RGMA: variants seen among roughly 807,000 people sequenced by gnomAD.
The protein encoded by RGMA is repulsive guidance molecule A.
In RGMA, 10 loss-of-function variants were observed where a neutral mutation model predicts 23.2. That is an observed-to-expected ratio of 0.43 (90% CI 0.27 to 0.73). The LOEUF is 0.73. Among genes scored for constraint, RGMA ranks in the 30% least tolerant of loss-of-function variants. The probability of loss-of-function intolerance (pLI) is 0.20; values close to 1 mark genes in which losing one functional copy is unlikely to be tolerated. For synonymous variants in RGMA, 308 were observed against 279.3 expected (o/e 1.10, Z -1.03); for missense variants, 547 against 630.5 (o/e 0.87, Z 1.42).
At chr15:93,081,987 G>A (rs551250867) in intron 1 of RGMA, among the ~76,000 whole-genome samples, 2 of 152,222 alleles carry the variant, frequency 1.3e-5, no homozygotes, top group African/African-American at 2.4e-5. Flanking sequence ...CTAAGAACAT[G>A]CAGTCCGAAC....
At chr15:93,065,741 C>T (rs951775376) in intron 2 of RGMA, 21 of 1,192,850 alleles carry the variant, frequency 1.8e-5, no homozygotes, top group Non-Finnish European at 2.3e-5. Flanking sequence ...TCAGCGGGAC[C>T]GTGGCTGGGC....
rs1456389793 is a variant in RGMA, at chr15:93,045,132, T to G, written c.1219A>C (p.Asn407His). 3 of 1,598,626 alleles carry G rather than the reference T, an allele frequency of 1.9e-6. No homozygotes were observed. In the East Asian group the frequency reaches 6.8e-5, roughly 36 times the overall value. ...TCATACAGGTGCAGTTTGTCTTTGT[T>G]GGAGTGGAGCATCTTGACATCCTCC... ...ALEDVKMLHS[N>H]KDKLHLYERT... The change falls in exon 4 of 4, where the codon AAC (asparagine) becomes CAC (histidine). Residue 407 changes from asparagine to histidine, a missense_variant. By Grantham distance (68) the Asn-to-His change is moderately conservative (BLOSUM62 1). Transcript: ENST00000329082. The surrounding 1 kb of genome is among the most constrained non-coding windows in gnomAD (Gnocchi z 6.9).
intron 2 of RGMA, 108 bp downstream of exon 2, chr15:93,072,808 G>A (rs1895373465): frequency 7.3e-6 from 9 of 1,227,032 alleles, no homozygotes; most frequent in South Asian, 1.5e-5. Context: ...GGCGGGGTCC[G>A]GAGGAGGTCC....
intron 2 of RGMA, among the ~76,000 whole-genome samples, chr15:93,060,381 G>A (rs964986949): frequency 2.6e-5 from 4 of 152,236 alleles, no homozygotes; most frequent in African/African-American, 9.6e-5. Context: ...GGGGCAAAAA[G>A]GAGAATCCAG....
At chr15:93,066,924 G>A (rs1229067525) in intron 2 of RGMA, among the ~76,000 whole-genome samples, 2 of 152,206 alleles carry the variant, frequency 1.3e-5, no homozygotes, top group South Asian at 2.1e-4. Flanking sequence ...GTGCAATGTC[G>A]GGAAAACCTC....
At chr15:93,063,625 G>C (rs537581076) in intron 2 of RGMA, among the ~76,000 whole-genome samples, 1 of 152,318 alleles carries the variant, frequency 6.6e-6, no homozygotes, top group African/African-American at 2.4e-5. Context: ...AGGTGCAGCA[G>C]ACCCTACCTT....
intron 2 of RGMA, among the ~76,000 whole-genome samples, chr15:93,071,328 G>A (rs1895315076): frequency 6.6e-6 from 1 of 152,216 alleles, no homozygotes; most frequent in African/African-American, 2.4e-5. Context: ...TGTTCAACCA[G>A]ACTCTTAAGT....
At chr15:93,051,471 C>G (rs2054917648) in intron 3 of RGMA, among the ~76,000 whole-genome samples, 1 of 152,210 alleles carries the variant, frequency 6.6e-6, no homozygotes, top group African/African-American at 2.4e-5. Flanking sequence ...TTCAGGACAT[C>G]CTCCCCAAAA....
intron 2 of RGMA, among the ~76,000 whole-genome samples, chr15:93,059,846 T>C (rs903881536): frequency 2.0e-5 from 3 of 152,194 alleles, no homozygotes; most frequent in Admixed American, 2.0e-4. Context: ...TGTATCTTTA[T>C]AAAAAGACCC....
chr15:93,071,253 ACTT>A (rs1421941477), intron 2 of RGMA, among the ~76,000 whole-genome samples: 53 of 152,336 alleles, frequency 3.5e-4, no homozygotes, highest in African/African-American at 1.2e-3. Flanking sequence ...CAAAACGTTG[ACTT>A]CTTCTTAAAT....
At chr15:93,047,071 T>TCA (rs753366488) in intron 3 of RGMA, among the ~76,000 whole-genome samples, 1 of 152,126 alleles carries the variant, frequency 6.6e-6, no homozygotes, top group Non-Finnish European at 1.5e-5. Flanking sequence ...TTGCCTAAGG[T>TCA]CACACAGCCA....
intron 2 of RGMA, among the ~76,000 whole-genome samples, chr15:93,055,208 C>G (rs2054994302): frequency 6.6e-6 from 1 of 152,150 alleles, no homozygotes; most frequent in Non-Finnish European, 1.5e-5. Flanking sequence ...CGCTCAAGCT[C>G]CGGTTCACCT....
chr15:93,072,489 C>T (rs1405125327), intron 2 of RGMA, among the ~76,000 whole-genome samples: 2 of 152,092 alleles, frequency 1.3e-5, no homozygotes, highest in African/African-American at 4.8e-5. Flanking sequence ...ACCTCAGGGG[C>T]GACCCTGGCT....
Position 93,066,169 on chromosome 15 carries a change from G to A in RGMA, c.130+6747C>T, listed in dbSNP as rs114371784. On this transcript the variant is annotated intron_variant, in intron 2 of 3. Transcript: ENST00000329082. ...GGGCCCAGTTACATTAGCGGCTTCTGCACCCTTCTCTCCTTCCACGACATC... is the reference window on the plus strand; with the variant it reads ...GGGCCCAGTTACATTAGCGGCTTCTACACCCTTCTCTCCTTCCACGACATC... 4.7e-3 allele frequency: 6,567 copies of A among 1,388,232 alleles called. 259 individuals carry two copies. The African/African-American group carries it at 0.08, about 17-fold the overall frequency. The allele number at this position is 1,388,232 out of a possible 1,614,324, so 86.0% of individuals were successfully genotyped here.
chr15:93,048,260 C>G (rs2054859661), intron 3 of RGMA, among the ~76,000 whole-genome samples: 1 of 152,062 alleles, frequency 6.6e-6, no homozygotes, highest in East Asian at 1.9e-4. Flanking sequence ...GTGTGGAACC[C>G]CCGGAAGAAC....
intron 1 of RGMA, chr15:93,073,636 C>A: frequency 1.3e-6 from 2 of 1,537,172 alleles, no homozygotes; most frequent in Middle Eastern, 1.7e-4. Context: ...AGACGCGACA[C>A]CGGTGCAGGA....
intron 1 of RGMA, among the ~76,000 whole-genome samples, chr15:93,079,555 C>T (rs2141846763): frequency 6.6e-6 from 1 of 152,322 alleles, no homozygotes; most frequent in South Asian, 2.1e-4. Flanking sequence ...TGCAGTGGCT[C>T]ACACCTGTAA....
At chr15:93,074,795 G>C (rs1183333106) in intron 1 of RGMA, among the ~76,000 whole-genome samples, 2 of 152,198 alleles carry the variant, frequency 1.3e-5, no homozygotes, top group Non-Finnish European at 2.9e-5. Flanking sequence ...CGGCCACCGG[G>C]GCACGCTAAG....
intron 1 of RGMA, among the ~76,000 whole-genome samples, chr15:93,081,782 A>G (rs1383145938): frequency 6.6e-6 from 1 of 152,278 alleles, no homozygotes; most frequent in Non-Finnish European, 1.5e-5. Flanking sequence ...AAAACTGTTT[A>G]GAATGGCTAA....
Sources: gnomAD v4.1 joint callset for allele counts (sites outside exome capture counted in the v4.1 genomes callset) on GRCh38, gnomAD v4.1.1 for gene constraint, Gnocchi (gnomAD v3.1) non-coding constraint, MANE v1.5 for transcripts, NCBI Gene and HGNC (gene_info 2026-07-23, HGNC 2026-07-21) for gene names.